CDH18: variants seen among roughly 807,000 people sequenced by gnomAD.
CDH18 encodes the protein cadherin 18, also known as cadherin-18.
A neutral mutation model predicts 67.9 loss-of-function variants in CDH18; 31 were observed. The ratio of observed to expected loss-of-function variants is 0.46; its 90% CI spans 0.34 to 0.62. The LOEUF (loss-of-function observed/expected upper bound fraction) is 0.62. Ranked by LOEUF, CDH18 falls within the 20% of genes least tolerant of loss-of-function variation. The pLI is 0.01. For missense variants in CDH18, 890 were observed against 975.5 expected, an observed-to-expected ratio of 0.91 and a Z score of 1.17; for synonymous variants, 362 against 347.2, an observed-to-expected ratio of 1.04 and a Z score of -0.48.
chr5:19,615,725 G>A (rs1009201250), intron 5 of CDH18, among the ~76,000 whole-genome samples: 22 of 152,024 alleles, frequency 1.4e-4, no homozygotes, highest in Non-Finnish European at 2.8e-4. Flanking sequence ...TGGCAACCAC[G>A]AATCTTTTTA....
intron 1 of CDH18, among the ~76,000 whole-genome samples, chr5:20,414,111 A>G (rs1316331867): frequency 1.3e-5 from 2 of 152,256 alleles, no homozygotes; most frequent in African/African-American, 4.8e-5. Context: ...AAATTAGTTC[A>G]GCTCCTGTGG....
At chr5:19,853,647 A>C (rs1783952246) in intron 2 of CDH18, among the ~76,000 whole-genome samples, 2 of 152,134 alleles carry the variant, frequency 1.3e-5, no homozygotes, top group South Asian at 4.1e-4. Flanking sequence ...TAAAGGTGAG[A>C]GTGCATGCTC....
chr5:20,512,067 C>T (rs1224665778), intron 1 of CDH18, among the ~76,000 whole-genome samples: 1 of 151,714 alleles, frequency 6.6e-6, no homozygotes, highest in African/African-American at 2.4e-5. Flanking sequence ...CTAAAAAATA[C>T]AAAAAATTAG....
intron 3 of CDH18, among the ~76,000 whole-genome samples, chr5:19,796,671 C>T (rs1217349943): frequency 6.6e-6 from 1 of 152,010 alleles, no homozygotes; most frequent in Admixed American, 6.6e-5. Context: ...ATGCAATAGG[C>T]TGTTCTTTCC....
chr5:19,952,101 C>A (rs1250584764), intron 2 of CDH18, among the ~76,000 whole-genome samples: 1 of 151,876 alleles, frequency 6.6e-6, no homozygotes, highest in East Asian at 1.9e-4. Flanking sequence ...CAGGCTGGAG[C>A]GCAGTGGCGC....
Position 20,374,482 on chromosome 5 carries a change from G to A in CDH18, c.-579-118977C>T, listed in dbSNP as rs115994520. ...ACAGATTTGAGACATCTTGGGGTTT[G>A]AATTTAATCTAAGGAATTCCCTAGT... On this transcript the variant is annotated intron_variant, in intron 1 of 14. Coordinates refer to the CDH18 transcript ENST00000507958. 4.7e-3 allele frequency among the ~76,000 whole-genome samples: 723 copies of A among 152,234 alleles called. 9 individuals are homozygous for A. The highest frequency in any genetic ancestry group is 0.017 in the African/African-American group (694 of 41,556).
chr5:20,166,454 AG>A (rs35128116), intron 2 of CDH18, among the ~76,000 whole-genome samples: 13,382 of 127,138 alleles, frequency 0.11, 1,391 homozygotes, highest in African/African-American at 0.22. Flanking sequence ...AAAAAAAAAA[AG>A]AAAAGAAAAG....
At position 19,808,330 on chromosome 5, in the gene CDH18, A is replaced by T. The variant is rs532636143; in HGVS notation, c.228+30429T>A. 1.1e-3 allele frequency among the ~76,000 whole-genome samples: 150 copies of T among 139,596 alleles called. 1 individual carries two copies. Among genetic ancestry groups the T allele is most frequent in the East Asian group, 1.2e-3 (5 of 4,316 alleles). 91.6% of individuals were successfully genotyped at this position (139,596 alleles called of 152,430 possible). A position where few individuals can be genotyped will look rare whatever the true frequency, so the allele number is the denominator to read the frequency against. On this transcript the variant is annotated intron_variant, in intron 3 of 12. Coordinates refer to ENST00000382275, the MANE Select transcript of CDH18 (RefSeq NM_004934.5). ...AAAACAACAACAACAAAAAAAAAAC[A>T]AAAATAAAACTGAATGTATTTGAAG...
At chr5:20,231,575 G>A (rs945766664) in intron 2 of CDH18, among the ~76,000 whole-genome samples, 5 of 151,288 alleles carry the variant, frequency 3.3e-5, no homozygotes, top group Non-Finnish European at 2.9e-5. Flanking sequence ...ACTCCAGCCT[G>A]GGCAACAAGA....
chr5:20,186,901 A>G (rs1233998053), intron 2 of CDH18, among the ~76,000 whole-genome samples: 1 of 151,980 alleles, frequency 6.6e-6, no homozygotes, highest in African/African-American at 2.4e-5. Context: ...CCAAGTGTCC[A>G]TCAATAGAAA....
intron 2 of CDH18, among the ~76,000 whole-genome samples, chr5:19,859,867 A>C (rs1784691457): frequency 1.3e-5 from 2 of 152,104 alleles, no homozygotes; most frequent in Admixed American, 6.6e-5. Flanking sequence ...TTGGTCATTC[A>C]CATTTGGTCC....
chr5:20,118,025 A>G (rs979359832), intron 2 of CDH18, among the ~76,000 whole-genome samples: 1 of 152,182 alleles, frequency 6.6e-6, no homozygotes, highest in Non-Finnish European at 1.5e-5. Flanking sequence ...TGCTAATTCC[A>G]CTGTAATTCT....
intron 10 of CDH18, among the ~76,000 whole-genome samples, chr5:19,506,289 C>T (rs549743380): frequency 6.4e-4 from 97 of 152,256 alleles, no homozygotes; most frequent in African/African-American, 2.1e-3. Flanking sequence ...ACATTCCATG[C>T]TCATGGGTAG....
At chr5:20,395,268 G>A (rs1745194768) in intron 1 of CDH18, among the ~76,000 whole-genome samples, 1 of 152,272 alleles carries the variant, frequency 6.6e-6, no homozygotes, top group African/African-American at 2.4e-5. Context: ...CCCTAAAACA[G>A]CATGAAATAA....
chr5:20,330,367 C>G (rs186561983), intron 1 of CDH18, among the ~76,000 whole-genome samples: 7 of 152,058 alleles, frequency 4.6e-5, no homozygotes, highest in Non-Finnish European at 8.8e-5. Flanking sequence ...CCAGTAATAT[C>G]AGGGGACCAT....
At chr5:19,797,703 G>T (rs1320615726) in intron 3 of CDH18, among the ~76,000 whole-genome samples, 1 of 151,902 alleles carries the variant, frequency 6.6e-6, no homozygotes, top group Non-Finnish European at 1.5e-5. Flanking sequence ...AATAAATTAA[G>T]ATATTACATT....
At chr5:19,536,198 A>G (rs942849378) in intron 9 of CDH18, among the ~76,000 whole-genome samples, 4 of 151,892 alleles carry the variant, frequency 2.6e-5, no homozygotes, top group African/African-American at 9.7e-5. Flanking sequence ...AGGTGAAAAA[A>G]TACTACAATG....
chr5:19,855,847 C>T (rs2149951734), intron 2 of CDH18, among the ~76,000 whole-genome samples: 1 of 151,976 alleles, frequency 6.6e-6, no homozygotes, highest in African/African-American at 2.4e-5. Flanking sequence ...AGACTTGAAA[C>T]AAAGGGAAAA....
chr5:20,233,650 G>A (rs1410556001), intron 2 of CDH18, among the ~76,000 whole-genome samples: 2 of 151,752 alleles, frequency 1.3e-5, no homozygotes, highest in Non-Finnish European at 2.9e-5. Flanking sequence ...GTGTGTGTGT[G>A]TTTGCATGTG....
Sources: allele counts gnomAD v4.1 joint callset (sites outside exome capture counted in the v4.1 genomes callset), GRCh38; gene constraint gnomAD v4.1.1; transcripts MANE v1.5; gene names NCBI Gene and HGNC (gene_info 2026-07-23, HGNC 2026-07-21).